UBTD2: variants seen among roughly 807,000 people sequenced by gnomAD.
The protein encoded by UBTD2 is ubiquitin domain-containing protein 2.
UBTD2 carries 9 observed loss-of-function variants against 19.8 expected under a neutral mutation model. The ratio of observed to expected loss-of-function variants is 0.46; its 90% CI spans 0.27 to 0.79. The LOEUF (loss-of-function observed/expected upper bound fraction) is 0.79. Ranked by LOEUF, UBTD2 falls within the 30% of genes least tolerant of loss-of-function variation. UBTD2 has a pLI of 0.14. For missense variants in UBTD2, 250 were observed against 300.4 expected, an observed-to-expected ratio of 0.83 and a Z score of 1.24; for synonymous variants, 98 against 103.9, an observed-to-expected ratio of 0.94 and a Z score of 0.35.
At chr5:172,255,374 A>AT in intron 1 of UBTD2, 1 of 480,344 alleles carries the variant, frequency 2.1e-6, no homozygotes, top group South Asian at 1.7e-5. Flanking sequence ...TTAGATGAGT[A>AT]TGACACCGAG....
At chr5:172,239,965 T>C (rs1281751219) in intron 1 of UBTD2, among the ~76,000 whole-genome samples, 1 of 152,224 alleles carries the variant, frequency 6.6e-6, no homozygotes, top group African/African-American at 2.4e-5. Context: ...CTTTCCATTA[T>C]AGCACTCCAT....
chr5:172,277,851 C>CA (rs398065417), intron 1 of UBTD2, among the ~76,000 whole-genome samples: 3,529 of 78,212 alleles, frequency 0.045, 131 homozygotes, highest in African/African-American at 0.13. Flanking sequence ...TCTTACCACT[C>CA]AAAAAAAAAA....
At chr5:172,227,695 CTTTTTTTTTT>C (rs1164255222) in intron 2 of UBTD2, among the ~76,000 whole-genome samples, 13,515 of 72,854 alleles carry the variant, frequency 0.19, 719 homozygotes, top group Middle Eastern at 0.28. Flanking sequence ...ATGAAAAATT[CTTTTTTTTTT>C]TTTTTTTTTT....
chr5:172,239,986 G>A (rs1223647949), intron 1 of UBTD2, among the ~76,000 whole-genome samples: 1 of 152,164 alleles, frequency 6.6e-6, no homozygotes, highest in Non-Finnish European at 1.5e-5. Context: ...GTCTTACTGG[G>A]CTGCTTATTT....
chr5:172,280,605 T>A (rs370213270), intron 1 of UBTD2, among the ~76,000 whole-genome samples: 1 of 151,276 alleles, frequency 6.6e-6, no homozygotes, highest in East Asian at 1.9e-4. Context: ...TAATCTATGA[T>A]CATGCCACAG....
intron 1 of UBTD2, among the ~76,000 whole-genome samples, chr5:172,277,060 T>G (rs1399928006): frequency 5.9e-5 from 5 of 84,796 alleles, no homozygotes; most frequent in Non-Finnish European, 7.9e-5. Context: ...CAAAGCAGAC[T>G]CTGTCTCAAA....
chr5:172,272,899 T>C (rs1258581339), intron 1 of UBTD2, among the ~76,000 whole-genome samples: 1 of 151,758 alleles, frequency 6.6e-6, no homozygotes, highest in East Asian at 2.0e-4. Flanking sequence ...ACCAACATGG[T>C]GAAACCCCAT....
chr5:172,281,687 A>T (rs1172076854), intron 1 of UBTD2, among the ~76,000 whole-genome samples: 1 of 152,170 alleles, frequency 6.6e-6, no homozygotes, highest in South Asian at 2.1e-4. Context: ...ACTAAACCAC[A>T]ATTAACTCTT....
chr5:172,230,013 T>C (rs1771857614), intron 2 of UBTD2, among the ~76,000 whole-genome samples: 2 of 152,190 alleles, frequency 1.3e-5, no homozygotes, highest in East Asian at 1.9e-4. Flanking sequence ...AATAACATGC[T>C]GTGCAAATCA....
intron 2 of UBTD2, among the ~76,000 whole-genome samples, chr5:172,218,808 AAT>A (rs1771597640): frequency 1.4e-5 from 2 of 146,214 alleles, no homozygotes; most frequent in African/African-American, 5.0e-5. Context: ...TAAAAAAAAA[AAT>A]AAAAAATAAA....
intron 1 of UBTD2, among the ~76,000 whole-genome samples, chr5:172,243,614 G>A (rs1772176427): frequency 7.5e-6 from 1 of 133,928 alleles, no homozygotes; most frequent in African/African-American, 2.9e-5. Context: ...CTAGGCTGGA[G>A]TACAATGGCG....
chr5:172,251,318 A>AAAAAAAAAG (rs760130785), intron 1 of UBTD2, among the ~76,000 whole-genome samples: 1 of 151,554 alleles, frequency 6.6e-6, no homozygotes, highest in South Asian at 2.1e-4. Context: ...CTATCTCAAA[A>AAAAAAAAAG]AAAAAAAAGA....
intron 2 of UBTD2, among the ~76,000 whole-genome samples, chr5:172,217,257 C>CAA (rs35402005): frequency 8.9e-5 from 13 of 145,452 alleles, no homozygotes; most frequent in East Asian, 4.1e-4. Context: ...AGTAAAAATA[C>CAA]AAAAAAAAAA....
intron 2 of UBTD2, among the ~76,000 whole-genome samples, chr5:172,232,976 A>G (rs1168778657): frequency 2.0e-5 from 3 of 152,110 alleles, no homozygotes; most frequent in Non-Finnish European, 4.4e-5. Flanking sequence ...CCCTGTCTCT[A>G]CTAAAAATAC....
At chr5:172,260,079 C>G (rs1300347436) in intron 1 of UBTD2, among the ~76,000 whole-genome samples, 1 of 151,334 alleles carries the variant, frequency 6.6e-6, no homozygotes, top group African/African-American at 2.4e-5. Flanking sequence ...GCCGCACCCC[C>G]ACCCCCAACA....
At chr5:172,231,261 C>A (rs1450089181) in intron 2 of UBTD2, among the ~76,000 whole-genome samples, 1 of 152,068 alleles carries the variant, frequency 6.6e-6, no homozygotes, top group African/African-American at 2.4e-5. Context: ...CAGATATGAA[C>A]AAAAGAAGTC....
intron 2 of UBTD2, among the ~76,000 whole-genome samples, chr5:172,213,784 T>C (rs1376564061): frequency 6.6e-6 from 1 of 151,788 alleles, no homozygotes; most frequent in African/African-American, 2.4e-5. Context: ...GCATACCTTT[T>C]TTTTTTCTTT....
intron 1 of UBTD2, among the ~76,000 whole-genome samples, chr5:172,238,109 C>T (rs567088824): frequency 2.0e-5 from 3 of 152,298 alleles, no homozygotes; most frequent in East Asian, 3.9e-4. Flanking sequence ...CATGTTTGTA[C>T]CAAGCCAAAC....
chr5:172,279,017 C>T (rs1478693166), intron 1 of UBTD2, among the ~76,000 whole-genome samples: 1 of 152,140 alleles, frequency 6.6e-6, no homozygotes, highest in Non-Finnish European at 1.5e-5. Flanking sequence ...ACCTCAAGTG[C>T]TCTACCTGTC....
Sources: allele counts gnomAD v4.1 joint callset (sites outside exome capture counted in the v4.1 genomes callset), GRCh38; gene constraint gnomAD v4.1.1; transcripts MANE v1.5; gene names NCBI Gene and HGNC (gene_info 2026-07-23, HGNC 2026-07-21).